PPAN: variants seen among roughly 807,000 people sequenced by gnomAD.
The protein encoded by PPAN is suppressor of SWI4 1 homolog.
PPAN carries 39 observed loss-of-function variants against 48.5 expected under a neutral mutation model. The observed-to-expected ratio is 0.80, with a 90% CI of 0.62 to 1.05. PPAN has a LOEUF of 1.05. Ranked by LOEUF, PPAN falls within the 50% of genes least tolerant of loss-of-function variation. The pLI is 0.00. For synonymous variants in PPAN, 315 were observed against 268.6 expected (o/e 1.17, Z -1.69); for missense variants, 736 against 661.7 (o/e 1.11, Z -1.23).
rs772758009 is a variant in PPAN, at chr19:10,109,971, A to AAGTT, written c.650_653dup (p.Phe218LeufsTer29). 2 of 1,613,984 alleles carry AAGTT rather than the reference A, an allele frequency of 1.2e-6. No homozygotes were observed. The highest frequency in any genetic ancestry group is 1.7e-6 in the Non-Finnish European group (2 of 1,179,918). Reference sequence around the variant, plus strand: ...CGGGATGAAGAAGCTGCTCCAGGAGAAGTTCCCCAACATGAGCCGCCTGCA... The same window carrying AAGTT: ...CGGGATGAAGAAGCTGCTCCAGGAGAAGTTAGTTCCCCAACATGAGCCGCCTGCA... On this transcript the variant is annotated frameshift_variant, in exon 7 of 12. Transcript: ENST00000253107. LOFTEE classifies it high-confidence loss of function.
chr19:10,109,714 G>A lies in PPAN; in HGVS notation c.590+7G>A. On this transcript the variant is annotated splice_region_variant and intron_variant, in intron 6 of 11. Coordinates refer to ENST00000253107, the MANE Select transcript of PPAN (RefSeq NM_020230.7). Reference sequence around the variant, plus strand: ...AGCTGGACTTCCGCCACTAGTGAGTGTCCCAGCAGGATGGGAGACGAGGGG... The same window carrying A: ...AGCTGGACTTCCGCCACTAGTGAGTATCCCAGCAGGATGGGAGACGAGGGG... 7 of 1,613,096 alleles carry A rather than the reference G, an allele frequency of 4.3e-6. No homozygotes were observed. The highest frequency in any genetic ancestry group is 2.7e-5 in the African/African-American group (2 of 75,028).
intron 5 of PPAN, 58 bp from the exon 6 acceptor site, chr19:10,109,573 C>T (rs1286982967): frequency 9.7e-6 from 15 of 1,538,512 alleles, no homozygotes; most frequent in African/African-American, 1.4e-5. Flanking sequence ...CCAAAGCCCC[C>T]ACTTCCCCAA....
Position 10,109,933 on chromosome 19 carries a change from T to G in PPAN, c.611T>G (p.Val204Gly). 1 of 1,614,046 alleles carries G rather than the reference T, an allele frequency of 6.2e-7. No individual in the cohort carries two copies. The highest frequency in any genetic ancestry group is 8.5e-7 in the Non-Finnish European group (1 of 1,179,924). ...FRHYSIKVVP[V>G]GASRGMKKLL... is the part of the protein sequence containing the mutation. ...TGCAGTAGCATCAAAGTTGTTCCTG[T>G]GGGCGCGAGTCGCGGGATGAAGAAG... Residue 204 changes from valine to glycine, a missense_variant, in exon 7 of 12, where the codon GTG (valine) becomes GGG (glycine). By Grantham distance (109) the Val-to-Gly change is moderately radical. Coordinates refer to ENST00000253107, the MANE Select transcript of PPAN (RefSeq NM_020230.7).
rs113803593 is a variant in PPAN, at chr19:10,108,418, G to A, written c.513+284G>A. Among the ~76,000 whole-genome samples, 10 of 152,254 alleles carry A rather than the reference G, an allele frequency of 6.6e-5. 1 individual carries two copies. Among genetic ancestry groups the A allele is most frequent in the African/African-American group, 2.4e-4 (10 of 41,548 alleles). On this transcript the variant is annotated intron_variant, in intron 5 of 11. Transcript: ENST00000253107. ...CGTGTGTTGAGTGCTGGGCTGAGCA[G>A]GATCGTAGCATCTCTTCTTAGGGCC...
At chr19:10,108,258 C>T (rs2088908532) in intron 5 of PPAN, 124 bp downstream of exon 5, 1 of 1,391,464 alleles carries the variant, frequency 7.2e-7, no homozygotes, top group Non-Finnish European at 9.6e-7. Flanking sequence ...TCTGCTGAGT[C>T]CTGAGGTCAA....
rs887039150 is a variant in PPAN, at chr19:10,111,450, T to TGGC, written c.*286_*288dup. On this transcript the variant is annotated 3_prime_UTR_variant, in exon 12 of 12. Transcript: ENST00000253107. ...CCCTGCACGGGGTTGGTTTCATTGG[T>TGGC]GGCAGCAGCAGCCATGAGTGGCCCC... The TGGC allele has an allele frequency of 3.1e-5, 19 of 621,540 alleles. No individual in the cohort carries two copies. The highest frequency in any genetic ancestry group is 2.8e-4 in the African/African-American group (15 of 54,308). 38.5% of individuals were successfully genotyped at this position (621,540 alleles called of 1,614,324 possible).
intron 5 of PPAN, among the ~76,000 whole-genome samples, 186 bp downstream of exon 5, chr19:10,108,320 C>G (rs2088911383): frequency 6.6e-6 from 1 of 152,176 alleles, no homozygotes; most frequent in African/African-American, 2.4e-5. Context: ...GAGATTCCCC[C>G]AGCGGTCCAC....
rs201605455 is a variant in PPAN at position 10,111,768 on chromosome 19, T to G, written c.*603T>G. On this transcript the variant is annotated 3_prime_UTR_variant, in exon 12 of 12. Transcript: ENST00000253107. ...AAGGAGAAGGCATGTTGGCTGTCTC[T>G]GGGGGTCTGCAGATTGTCAGGAGGT... 2,201 of 1,612,676 alleles carry G rather than the reference T, an allele frequency of 1.4e-3. 2 individuals are homozygous for G. The highest frequency in any genetic ancestry group is 1.5e-3 in the Non-Finnish European group (1,822 of 1,179,454).
intron 2 of PPAN, 111 bp from the exon 3 acceptor site, chr19:10,107,394 G>A: frequency 2.6e-6 from 3 of 1,168,760 alleles, no homozygotes; most frequent in Non-Finnish European, 2.4e-6. Context: ...CTCTGGGCTT[G>A]TTGAAAGGGT....
rs1247912437 is a variant in PPAN at position 10,111,722 on chromosome 19, A to G, written c.*557A>G. ...ACAGGCTGAGGATCGGCACGGGAGC[A>G]TGGCAGCCAACGTCTCGGGTAAGGA... On this transcript the variant is annotated 3_prime_UTR_variant, in exon 12 of 12. Coordinates refer to ENST00000253107, the MANE Select transcript of PPAN (RefSeq NM_020230.7). The G allele has an allele frequency of 6.2e-6, 10 of 1,613,604 alleles. No individual in the cohort carries two copies. The highest frequency in any genetic ancestry group is 8.5e-6 in the Non-Finnish European group (10 of 1,179,864).
intron 5 of PPAN, among the ~76,000 whole-genome samples, chr19:10,108,660 G>T (rs2088930167): frequency 6.6e-6 from 1 of 151,644 alleles, no homozygotes; most frequent in Admixed American, 6.6e-5. Context: ...GCTGAGGTGG[G>T]AGGATCACCT....
chr19:10,106,684 C>G lies in PPAN; in HGVS notation c.189+13C>G. On this transcript the variant is annotated intron_variant, in intron 2 of 11. Coordinates refer to ENST00000253107, the MANE Select transcript of PPAN (RefSeq NM_020230.7). ...CAGCCGTCTGCAGGTTTGTACCCCA[C>G]CCCCAGCCCGCCTCCACCCACCCTC... is the stretch of plus-strand genomic sequence containing the variant. The G allele has an allele frequency of 6.6e-7, 1 of 1,516,470 alleles. No homozygotes were observed. Among genetic ancestry groups the G allele is most frequent in the Non-Finnish European group, 8.9e-7 (1 of 1,126,248 alleles). 93.9% of individuals were successfully genotyped at this position (1,516,470 alleles called of 1,614,324 possible).
chr19:10,109,880 C>G (rs766931774), intron 6 of PPAN, 33 bp from the exon 7 acceptor site: 2 of 1,611,056 alleles, frequency 1.2e-6, no homozygotes, highest in South Asian at 1.1e-5. Flanking sequence ...TGCCCCCTGA[C>G]CACCCCCTTG....
chr19:10,108,262 A>T, intron 5 of PPAN, 128 bp downstream of exon 5: 1 of 1,367,204 alleles, frequency 7.3e-7, no homozygotes, highest in Non-Finnish European at 9.8e-7. Context: ...CTGAGTCCTG[A>T]GGTCAAATCC....
In PPAN at chr19:10,106,365, C is replaced by A; in HGVS notation, c.-30C>A. 6.5e-7 allele frequency: 1 copy of A among 1,548,896 alleles called. No individual in the cohort carries two copies. Among genetic ancestry groups the A allele is most frequent in the Middle Eastern group, 1.8e-4 (1 of 5,628 alleles). On this transcript the variant is annotated 5_prime_UTR_variant, in exon 1 of 12. Transcript: ENST00000253107. The stretch of plus-strand genomic sequence containing the variant: ...GCTGCGCAGCGCCGGAAGCGGCGGA[C>A]GCAGGAGGCCTCGTGGAGGACACAG...
intron 3 of PPAN, 40 bp from the exon 4 acceptor site, chr19:10,107,764 T>G (rs749323185): frequency 6.2e-7 from 1 of 1,613,782 alleles, no homozygotes; most frequent in Non-Finnish European, 8.5e-7. Context: ...GCACCTCTGC[T>G]AGACCCCTCC....
Position 10,106,519 on chromosome 19 carries a change from GC to G in PPAN, c.40del (p.Arg14AlafsTer57). ...QSGRSRHQKR[A>X]RAQAQLRNLE... ...GCCGCAGTCCCGGCACCAGAAGCGC[GC>G]CCGCGCCCAGGCGCAGCTCCGCAAC... On this transcript the variant is annotated frameshift_variant, in exon 2 of 12. Coordinates refer to ENST00000253107, the MANE Select transcript of PPAN (RefSeq NM_020230.7). LOFTEE classifies it high-confidence loss of function. 6.4e-7 allele frequency: 1 copy of G among 1,552,584 alleles called. No homozygotes were observed. The highest frequency in any genetic ancestry group is 8.7e-7 in the Non-Finnish European group (1 of 1,148,058).
Position 10,108,018 on chromosome 19 carries a change from C to G in PPAN, c.397C>G (p.Gln133Glu). 6.2e-7 allele frequency: 1 copy of G among 1,613,610 alleles called. No individual in the cohort carries two copies. Among genetic ancestry groups the G allele is most frequent in the Non-Finnish European group, 8.5e-7 (1 of 1,179,726 alleles). ...SSLRRHRMHE[Q>E]QFAHPPLLVL... ...ACTGCGCCGGCACCGCATGCACGAG[C>G]AGCAGTTTGCCCACCCACCCCTCCT... The change falls in exon 5 of 12, where the codon CAG (glutamine) becomes GAG (glutamate). Residue 133 changes from glutamine (Q) to glutamate (E), a missense_variant. By Grantham distance (29) the Gln-to-Glu change is conservative (BLOSUM62 2). Coordinates refer to ENST00000253107, the MANE Select transcript of PPAN (RefSeq NM_020230.7).
At chr19:10,106,771 TCCCCAGCTGG>T in intron 2 of PPAN, 100 bp downstream of exon 2, 1 of 1,428,898 alleles carries the variant, frequency 7.0e-7, no homozygotes, top group Admixed American at 2.6e-5. Flanking sequence ...GACTTAAGTC[TCCCCAGCTGG>T]AAAAAAAGAC....
Sources: gnomAD v4.1 joint callset for allele counts (sites outside exome capture counted in the v4.1 genomes callset) on GRCh38, gnomAD v4.1.1 for gene constraint, MANE v1.5 for transcripts, NCBI Gene and HGNC (gene_info 2026-07-23, HGNC 2026-07-21) for gene names.